Variants in HBS1L observed in about 807,000 individuals in gnomAD.
The protein encoded by HBS1L is HBS1-like protein.
Under a neutral mutation model 88.9 loss-of-function variants are expected in HBS1L, and 55 were observed. The ratio of observed to expected loss-of-function variants is 0.62; its 90% CI spans 0.50 to 0.77. HBS1L has a LOEUF of 0.77. Ranked by LOEUF, HBS1L falls within the 30% of genes least tolerant of loss-of-function variation. The pLI, the probability that HBS1L is intolerant of heterozygous loss-of-function variation, is 0.00. For synonymous variants in HBS1L, 267 were observed against 288.5 expected, an observed-to-expected ratio of 0.93 and a Z score of 0.76; for missense variants, 741 against 829.3, an observed-to-expected ratio of 0.89 and a Z score of 1.31.
intron 11 of HBS1L, 114 bp downstream of exon 11, chr6:134,985,952 C>A: frequency 1.6e-6 from 1 of 638,980 alleles, no homozygotes; most frequent in East Asian, 2.7e-5. Context: ...CTTAGTTCCT[C>A]CGACTACAAA....
chr6:135,032,699 C>T (rs572519783), intron 4 of HBS1L, among the ~76,000 whole-genome samples: 4 of 152,060 alleles, frequency 2.6e-5, no homozygotes, highest in African/African-American at 9.6e-5. Context: ...TCTCTATAAC[C>T]GTATTTTATC....
intron 4 of HBS1L, among the ~76,000 whole-genome samples, chr6:135,028,028 A>T (rs769710129): frequency 6.6e-6 from 1 of 152,112 alleles, no homozygotes; most frequent in Admixed American, 6.5e-5. Context: ...CAGCCTCCTA[A>T]GCGCTGGGAA....
In HBS1L at chr6:134,968,203, C is replaced by T. The variant is rs148989669; in HGVS notation, c.1898+1035G>A. Among the ~76,000 whole-genome samples the T allele has an allele frequency of 5.5e-3, 833 of 151,522 alleles. 7 individuals are homozygous for T. The highest frequency in any genetic ancestry group is 0.017 in the African/African-American group (700 of 41,350). Reference sequence around the variant, plus strand: ...AAACCCCAAAGCTAAAGCAGCCAAGCCAAACTGCAATTAGCCTTAACTTGG... The same window carrying T: ...AAACCCCAAAGCTAAAGCAGCCAAGTCAAACTGCAATTAGCCTTAACTTGG... On this transcript the variant is annotated intron_variant, in intron 16 of 17. Coordinates refer to ENST00000367837, the MANE Select transcript of HBS1L (RefSeq NM_006620.4).
At chr6:135,044,728 T>C (rs1776855744) in intron 2 of HBS1L, among the ~76,000 whole-genome samples, 1 of 152,172 alleles carries the variant, frequency 6.6e-6, no homozygotes, top group Admixed American at 6.5e-5. Context: ...TTTAATAAAC[T>C]GTATTCAGTT....
intron 16 of HBS1L, 129 bp from the exon 17 acceptor site, chr6:134,966,602 AT>A (rs1774323555): frequency 1.7e-6 from 1 of 590,016 alleles, no homozygotes; most frequent in Non-Finnish European, 2.8e-6. Context: ...CAAGAAAAAT[AT>A]TTTTTGAATG....
intron 2 of HBS1L, among the ~76,000 whole-genome samples, chr6:135,046,489 C>T (rs1583160925): frequency 6.6e-6 from 1 of 152,160 alleles, no homozygotes; most frequent in Non-Finnish European, 1.5e-5. Flanking sequence ...ACTCCTTTTG[C>T]TACCCCCTAC....
intron 4 of HBS1L, among the ~76,000 whole-genome samples, chr6:135,022,302 A>G (rs940079906): frequency 6.7e-6 from 1 of 149,766 alleles, no homozygotes; most frequent in East Asian, 2.0e-4. Flanking sequence ...TATACATGTG[A>G]TTAGAATTTG....
At chr6:135,049,480 C>T (rs1777012795) in intron 2 of HBS1L, among the ~76,000 whole-genome samples, 1 of 152,158 alleles carries the variant, frequency 6.6e-6, no homozygotes, top group Admixed American at 6.5e-5. Flanking sequence ...AACCTTTAAA[C>T]TTGTGAAAAA....
At chr6:134,986,921 C>A (rs1183777074) in intron 9 of HBS1L, 111 bp from the exon 10 acceptor site, 4 of 387,348 alleles carry the variant, frequency 1.0e-5, no homozygotes, top group Non-Finnish European at 1.8e-5. Flanking sequence ...AATATAAAAT[C>A]TATTAAAATC....
In HBS1L at chr6:135,032,315, G is replaced by A. The variant is rs1776411117; in HGVS notation, c.430+7258C>T. 2.0e-5 allele frequency among the ~76,000 whole-genome samples: 3 copies of A among 151,996 alleles called. No homozygotes were observed. The South Asian group carries it at 6.2e-4, about 32-fold the overall frequency. ...TCTCAGAATTTTAATTTCTTTCAAT[G>A]TAGCTTTTACAAAATATATATATTC... is the stretch of plus-strand genomic sequence containing the variant. On this transcript the variant is annotated intron_variant, in intron 4 of 17. Transcript: ENST00000367837.
chr6:134,975,654 G>C (rs1008369346), intron 15 of HBS1L, among the ~76,000 whole-genome samples: 2 of 152,136 alleles, frequency 1.3e-5, no homozygotes, highest in Admixed American at 1.3e-4. Flanking sequence ...ACATAAATTG[G>C]GGAAAGGACA....
At chr6:135,006,535 A>G (rs997520996) in intron 4 of HBS1L, among the ~76,000 whole-genome samples, 8 of 152,194 alleles carry the variant, frequency 5.3e-5, no homozygotes, top group South Asian at 4.1e-4. Flanking sequence ...GCTAAAGACA[A>G]TAACTTCAAA....
At chr6:134,970,141 G>GT (rs991659341) in intron 15 of HBS1L, among the ~76,000 whole-genome samples, 44 of 151,754 alleles carry the variant, frequency 2.9e-4, no homozygotes, top group Non-Finnish European at 4.7e-4. Flanking sequence ...AGTTATTTTT[G>GT]TTTTTTTTGG....
intron 4 of HBS1L, among the ~76,000 whole-genome samples, chr6:135,010,192 T>C (rs532123431): frequency 1.3e-5 from 2 of 152,264 alleles, no homozygotes; most frequent in Non-Finnish European, 2.9e-5. Context: ...TAGTCTACTA[T>C]CGCTAGAAAT....
At chr6:135,037,375 A>C (rs1449049010) in intron 4 of HBS1L, 1 of 1,551,454 alleles carries the variant, frequency 6.4e-7, no homozygotes. Flanking sequence ...ATCATTTTTA[A>C]AAGTGTGATT....
intron 2 of HBS1L, 94 bp from the exon 3 acceptor site, chr6:135,042,220 C>T: frequency 8.8e-7 from 1 of 1,142,806 alleles, no homozygotes; most frequent in Non-Finnish European, 1.2e-6. Context: ...AAATTCTAAT[C>T]AATCACCTAT....
intron 4 of HBS1L, among the ~76,000 whole-genome samples, chr6:135,003,053 C>T (rs183061265): frequency 1.3e-5 from 2 of 152,226 alleles, no homozygotes; most frequent in African/African-American, 4.8e-5. Context: ...TCAGGACTCT[C>T]CTATGCTTAA....
intron 12 of HBS1L, 47 bp from the exon 13 acceptor site, chr6:134,982,609 G>T: frequency 9.6e-7 from 1 of 1,044,148 alleles, no homozygotes; most frequent in East Asian, 2.4e-5. Flanking sequence ...AATGTTATCT[G>T]ATGATTAATA....
At chr6:135,029,560 C>T (rs1242408838) in intron 4 of HBS1L, among the ~76,000 whole-genome samples, 1 of 151,626 alleles carries the variant, frequency 6.6e-6, no homozygotes, top group Non-Finnish European at 1.5e-5. Flanking sequence ...GAAATAATAC[C>T]CCTATCTATA....
Sources: allele counts gnomAD v4.1 joint callset (sites outside exome capture counted in the v4.1 genomes callset), GRCh38; gene constraint gnomAD v4.1.1; transcripts MANE v1.5; gene names NCBI Gene and HGNC (gene_info 2026-07-23, HGNC 2026-07-21).